Variants in EMC2 observed in about 807,000 individuals in gnomAD.
EMC2 encodes TPR repeat protein 35.
A neutral mutation model predicts 51.6 loss-of-function variants in EMC2; 37 were observed. The observed-to-expected ratio is 0.72, with a 90% CI of 0.55 to 0.94. The LOEUF (loss-of-function observed/expected upper bound fraction) is 0.94. Among genes scored for constraint, EMC2 ranks in the 40% least tolerant of loss-of-function variants. EMC2 has a pLI of 0.00. For missense variants in EMC2, 359 were observed against 350.9 expected (o/e 1.02, Z -0.18); for synonymous variants, 131 against 112.4 (o/e 1.17, Z -1.04).
chr8:108,485,452 T>TACATATATATAATATATATAGGTA (rs1311249164), intron 10 of EMC2, among the ~76,000 whole-genome samples: 5,568 of 143,912 alleles, frequency 0.039, 161 homozygotes, highest in South Asian at 0.11. Context: ...TTAATATATA[T>TACATATATATAATATATATAGGTA]ACATATATAT....
chr8:108,469,817 A>C lies in EMC2; in HGVS notation c.364-9A>C. On this transcript the variant is annotated splice_polypyrimidine_tract_variant and intron_variant, in intron 5 of 10. Coordinates refer to ENST00000220853, the MANE Select transcript of EMC2 (RefSeq NM_014673.5). ...AAGGGCCTAATCCTTTATTAATGTC[A>C]ACCCACAGGCTGCAAGAAAGCGTAA... is the stretch of plus-strand genomic sequence containing the variant. 1 of 1,612,212 alleles carries C rather than the reference A, an allele frequency of 6.2e-7. No individual in the cohort carries two copies. Among genetic ancestry groups the C allele is most frequent in the Non-Finnish European group, 8.5e-7 (1 of 1,178,488 alleles).
chr8:108,484,131 C>G (rs193139130), intron 10 of EMC2, among the ~76,000 whole-genome samples: 178 of 152,136 alleles, frequency 1.2e-3, no homozygotes, highest in African/African-American at 3.2e-3. Flanking sequence ...TAATGTGAAC[C>G]TACTCACAAT....
intron 1 of EMC2, among the ~76,000 whole-genome samples, chr8:108,447,262 C>T (rs1818899831): frequency 1.4e-5 from 2 of 140,000 alleles, no homozygotes; most frequent in African/African-American, 5.2e-5. Flanking sequence ...CGATTTTATA[C>T]CCTATTAATG....
chr8:108,458,764 C>T (rs1819230886), intron 5 of EMC2, among the ~76,000 whole-genome samples: 1 of 152,186 alleles, frequency 6.6e-6, no homozygotes, highest in South Asian at 2.1e-4. Flanking sequence ...GCCCTGGAGA[C>T]ATTTTCCCTT....
intron 5 of EMC2, among the ~76,000 whole-genome samples, chr8:108,457,345 T>C (rs1041981759): frequency 6.1e-5 from 9 of 147,910 alleles, no homozygotes; most frequent in African/African-American, 1.7e-4. Context: ...TGTGTGTGTG[T>C]GTGTGTGTGT....
chr8:108,459,216 ATT>A (rs1055804436), intron 5 of EMC2, among the ~76,000 whole-genome samples: 3 of 152,020 alleles, frequency 2.0e-5, no homozygotes, highest in Non-Finnish European at 2.9e-5. Context: ...ACTTTCCCAC[ATT>A]TTCCCATCTT....
intron 1 of EMC2, chr8:108,446,142 C>T: frequency 1.0e-5 from 2 of 200,172 alleles, no homozygotes; most frequent in Non-Finnish European, 2.2e-5. Flanking sequence ...TTATCTTTTT[C>T]TTTCTTTCTT....
intron 10 of EMC2, among the ~76,000 whole-genome samples, chr8:108,485,109 G>T (rs1811110548): frequency 6.6e-6 from 1 of 151,928 alleles, no homozygotes; most frequent in Non-Finnish European, 1.5e-5. Context: ...TTAAGCTGTA[G>T]CCAGAGGGGT....
chr8:108,467,064 G>A (rs1313481558), intron 5 of EMC2, among the ~76,000 whole-genome samples: 2 of 152,142 alleles, frequency 1.3e-5, no homozygotes, highest in African/African-American at 2.4e-5. Context: ...GTAAAATGAA[G>A]AGATGTAATT....
At chr8:108,459,705 A>T (rs1231512736) in intron 5 of EMC2, among the ~76,000 whole-genome samples, 1 of 124,938 alleles carries the variant, frequency 8.0e-6, no homozygotes. Flanking sequence ...AAGCCATGTG[A>T]GAGAGAGAGA....
chr8:108,486,696 A>G lies in EMC2; in HGVS notation c.*98A>G, dbSNP rs1811148173. 1.7e-6 allele frequency: 2 copies of G among 1,210,090 alleles called. No individual in the cohort carries two copies. Among genetic ancestry groups the G allele is most frequent in the Non-Finnish European group, 2.2e-6 (2 of 898,378 alleles). The allele number at this position is 1,210,090 out of a possible 1,614,324, so 75.0% of individuals were successfully genotyped here. On this transcript the variant is annotated 3_prime_UTR_variant, in exon 11 of 11. Transcript: ENST00000220853. Reference sequence around the variant, plus strand: ...AAATGCTCAGTGCTATTTATATACTACAGTAATTTTCTGTTAAGAAGGCAG... The same window carrying G: ...AAATGCTCAGTGCTATTTATATACTGCAGTAATTTTCTGTTAAGAAGGCAG...
chr8:108,479,107 T>C lies in EMC2; in HGVS notation c.804T>C (p.Tyr268=). The C allele has an allele frequency of 1.3e-6, 2 of 1,543,650 alleles. No individual in the cohort carries two copies. Among genetic ancestry groups the C allele is most frequent in the Non-Finnish European group, 1.8e-6 (2 of 1,139,270 alleles). Reference sequence around the variant, plus strand: ...CAGCTAGTCAAATAAACAGAGCTTATCAGGTTAGTATTTATTGATCATTTT... The same window carrying C: ...CAGCTAGTCAAATAAACAGAGCTTACCAGGTTAGTATTTATTGATCATTTT... ...SWAASQINRA[Y]QFAGRSKKET... is the part of the protein sequence containing the mutation. The change falls in exon 10 of 11, where the codon TAT becomes TAC. Residue 268 remains tyrosine (Y), a synonymous_variant. Transcript: ENST00000220853.
intron 5 of EMC2, among the ~76,000 whole-genome samples, chr8:108,456,463 A>G (rs9297411): frequency 0.52 from 78,424 of 151,738 alleles, 20,660 homozygotes; most frequent in Middle Eastern, 0.61. Context: ...GAAATACTGA[A>G]TTGTTTAATT....
intron 3 of EMC2, among the ~76,000 whole-genome samples, chr8:108,451,673 A>G: frequency 9.2e-6 from 1 of 108,634 alleles, no homozygotes; most frequent in East Asian, 2.7e-4. Context: ...CATAGAGGTG[A>G]CCGTTTTATG....
intron 9 of EMC2, among the ~76,000 whole-genome samples, chr8:108,478,576 T>C (rs1466861330): frequency 6.6e-6 from 1 of 151,996 alleles, no homozygotes; most frequent in Non-Finnish European, 1.5e-5. Context: ...TTGAGTTTCC[T>C]TTTTCTATAA....
intron 5 of EMC2, among the ~76,000 whole-genome samples, chr8:108,459,152 C>T (rs946259873): frequency 3.3e-5 from 5 of 152,242 alleles, no homozygotes; most frequent in South Asian, 4.1e-4. Flanking sequence ...TTTCATTGTC[C>T]GTATCATTAG....
intron 5 of EMC2, among the ~76,000 whole-genome samples, chr8:108,461,145 A>T: frequency 6.6e-6 from 1 of 152,218 alleles, no homozygotes; most frequent in African/African-American, 2.4e-5. Flanking sequence ...AAGGCGGGAA[A>T]GTCTAGTTTT....
chr8:108,447,023 A>T (rs1167087837), intron 1 of EMC2, among the ~76,000 whole-genome samples: 1 of 152,188 alleles, frequency 6.6e-6, no homozygotes, highest in Non-Finnish European at 1.5e-5. Context: ...CTTTAAAAAA[A>T]GTTCTCTTTC....
chr8:108,449,776 G>T, intron 1 of EMC2, 47 bp from the exon 2 acceptor site: 1 of 824,508 alleles, frequency 1.2e-6, no homozygotes, highest in Non-Finnish European at 2.0e-6. Flanking sequence ...ATGTGTATGT[G>T]TGTGTCTGGG....
Sources: gnomAD v4.1 joint callset for allele counts (sites outside exome capture counted in the v4.1 genomes callset) on GRCh38, gnomAD v4.1.1 for gene constraint, MANE v1.5 for transcripts, NCBI Gene and HGNC (gene_info 2026-07-23, HGNC 2026-07-21) for gene names.